The following ELAPOR2 variants were observed in gnomAD, a reference collection of about 807,000 sequenced individuals.
ELAPOR2 encodes the protein endosome/lysosome-associated apoptosis and autophagy regulator family member 2.
Under a neutral mutation model 120.7 loss-of-function variants are expected in ELAPOR2, and 89 were observed. That is an observed-to-expected ratio of 0.74 (90% confidence interval 0.62 to 0.88). The LOEUF (loss-of-function observed/expected upper bound fraction) is 0.88. Among genes scored for constraint, ELAPOR2 ranks in the 40% least tolerant of loss-of-function variants. The pLI is 0.00. For missense variants in ELAPOR2, 1,134 were observed against 1,251.6 expected (o/e 0.91, Z 1.42); for synonymous variants, 444 against 444.9 (o/e 1.00, Z 0.03).
Position 86,907,790 on chromosome 7 carries a change from C to A in ELAPOR2, c.2457-19G>T, listed in dbSNP as rs1294257785. 3 of 1,453,348 alleles carry A rather than the reference C, an allele frequency of 2.1e-6. No homozygotes were observed. In the African/African-American group the frequency reaches 4.4e-5, roughly 22 times the overall value. The allele number at this position is 1,453,348 out of a possible 1,614,324, so 90.0% of individuals were successfully genotyped here. The stretch of plus-strand genomic sequence containing the variant: ...AGAAGACCTATTGTAAGCCAAATAA[C>A]ATTTTTAAAAAACAGATATAATACA... On this transcript the variant is annotated intron_variant, in intron 17 of 21. Transcript: ENST00000450689.
intron 21 of ELAPOR2, among the ~76,000 whole-genome samples, chr7:86,881,476 C>T (rs903806888): frequency 6.6e-6 from 1 of 151,806 alleles, no homozygotes; most frequent in African/African-American, 2.4e-5. Context: ...CCTGCCTCAC[C>T]CTCCTGAGTA....
chr7:86,948,794 A>G (rs888551457), intron 2 of ELAPOR2, among the ~76,000 whole-genome samples: 2 of 152,230 alleles, frequency 1.3e-5, no homozygotes, highest in Admixed American at 6.5e-5. Context: ...CTCCAAGTAC[A>G]TGGCTATGTG....
At chr7:86,907,317 C>A (rs1789067754) in intron 18 of ELAPOR2, among the ~76,000 whole-genome samples, 1 of 151,862 alleles carries the variant, frequency 6.6e-6, no homozygotes, top group Admixed American at 6.6e-5. Flanking sequence ...GATCTAGTAC[C>A]ATAATCAGGA....
At chr7:86,917,102 G>C (rs891756506) in intron 12 of ELAPOR2, among the ~76,000 whole-genome samples, 5 of 150,786 alleles carry the variant, frequency 3.3e-5, no homozygotes, top group Non-Finnish European at 7.4e-5. Flanking sequence ...CATCACGCCA[G>C]CCTCTACTGT....
chr7:86,981,195 T>C (rs1300462582), intron 1 of ELAPOR2, among the ~76,000 whole-genome samples: 1 of 152,218 alleles, frequency 6.6e-6, no homozygotes. Context: ...AATTGGTCCA[T>C]ACCTCCATAA....
intron 1 of ELAPOR2, among the ~76,000 whole-genome samples, chr7:87,017,611 G>C (rs1320139193): frequency 6.6e-6 from 1 of 152,066 alleles, no homozygotes; most frequent in Non-Finnish European, 1.5e-5. Flanking sequence ...TTGTTTAAAA[G>C]ATCTATCAGA....
intron 12 of ELAPOR2, among the ~76,000 whole-genome samples, chr7:86,917,847 T>C (rs757722163): frequency 3.9e-5 from 6 of 152,164 alleles, no homozygotes; most frequent in African/African-American, 7.2e-5. Context: ...GTGAAGTAAC[T>C]ATTTAATTGT....
chr7:86,933,320 T>C (rs1055807029), intron 8 of ELAPOR2, among the ~76,000 whole-genome samples: 12 of 151,962 alleles, frequency 7.9e-5, no homozygotes. Context: ...ACATCTTCTC[T>C]TAACTCTTGC....
At chr7:87,047,477 G>A (rs1433462526) in intron 1 of ELAPOR2, among the ~76,000 whole-genome samples, 1 of 152,124 alleles carries the variant, frequency 6.6e-6, no homozygotes, top group Non-Finnish European at 1.5e-5. Context: ...AAACAACTCT[G>A]TAGGAAAAAA....
At chr7:86,982,802 G>A (rs1024256981) in intron 1 of ELAPOR2, among the ~76,000 whole-genome samples, 8 of 152,154 alleles carry the variant, frequency 5.3e-5, no homozygotes, top group African/African-American at 7.2e-5. Flanking sequence ...ACAGCTCCTC[G>A]CCAGCAACAG....
chr7:86,994,405 T>C lies in ELAPOR2; in HGVS notation c.190-29381A>G, dbSNP rs147133407. On this transcript the variant is annotated intron_variant, in intron 1 of 21. Coordinates refer to ENST00000450689, the MANE Select transcript of ELAPOR2 (RefSeq NM_001142749.3). Reference sequence around the variant, plus strand: ...TAAACATTGTCAAGTTAGTAATGTATAAGATCATCATCAATCATCTTAGAT... The same window carrying C: ...TAAACATTGTCAAGTTAGTAATGTACAAGATCATCATCAATCATCTTAGAT... Among the ~76,000 whole-genome samples the C allele has an allele frequency of 2.5e-3, 385 of 152,350 alleles. 2 individuals are homozygous for C. The highest frequency in any genetic ancestry group is 0.01 in the Middle Eastern group (3 of 294).
chr7:86,959,966 T>C (rs1376948990), intron 2 of ELAPOR2, among the ~76,000 whole-genome samples: 1 of 152,248 alleles, frequency 6.6e-6, no homozygotes, highest in African/African-American at 2.4e-5. Context: ...TTTGACCCAA[T>C]GGTTGTTTAA....
At chr7:86,892,573 A>C (rs1480196953) in intron 20 of ELAPOR2, among the ~76,000 whole-genome samples, 1 of 152,112 alleles carries the variant, frequency 6.6e-6, no homozygotes, top group East Asian at 1.9e-4. Context: ...TGAAGGAAGA[A>C]GACAGCATTA....
intron 1 of ELAPOR2, among the ~76,000 whole-genome samples, chr7:87,032,486 T>C (rs6971856): frequency 0.21 from 32,611 of 152,072 alleles, 3,718 homozygotes; most frequent in African/African-American, 0.27. Context: ...CTTTGGAATA[T>C]AGTTTTCCAA....
chr7:87,001,012 G>C lies in ELAPOR2; in HGVS notation c.190-35988C>G, dbSNP rs144543059. The stretch of plus-strand genomic sequence containing the variant: ...TGTGGGGAAAATTAAATAAGATCAT[G>C]TGTATCAGGGATAATACTGCATTGT... On this transcript the variant is annotated intron_variant, in intron 1 of 21. Transcript: ENST00000450689. Among the ~76,000 whole-genome samples, 3 of 152,242 alleles carry C rather than the reference G, an allele frequency of 2.0e-5. No homozygotes were observed. The East Asian group carries it at 5.8e-4, about 29-fold the overall frequency.
intron 5 of ELAPOR2, chr7:86,941,214 G>C (rs111691643): frequency 1.8e-4 from 75 of 416,420 alleles, no homozygotes; most frequent in African/African-American, 1.5e-3. Flanking sequence ...TTTTGCAAAT[G>C]AAAACATCAG....
chr7:87,025,985 C>T (rs929451788), intron 1 of ELAPOR2, among the ~76,000 whole-genome samples: 1 of 152,116 alleles, frequency 6.6e-6, no homozygotes, highest in Admixed American at 6.6e-5. Flanking sequence ...CAAACATATT[C>T]TCCTGTTGTA....
chr7:86,892,572 A>G (rs1174254485), intron 20 of ELAPOR2, among the ~76,000 whole-genome samples: 1 of 152,088 alleles, frequency 6.6e-6, no homozygotes, highest in Non-Finnish European at 1.5e-5. Context: ...GTGAAGGAAG[A>G]AGACAGCATT....
chr7:86,990,783 TAC>T (rs1554402047), intron 1 of ELAPOR2, among the ~76,000 whole-genome samples: 2 of 152,340 alleles, frequency 1.3e-5, no homozygotes, highest in African/African-American at 2.4e-5. Context: ...CTTAAACTTA[TAC>T]AGTTTGTGAT....
Sources: allele counts gnomAD v4.1 joint callset (sites outside exome capture counted in the v4.1 genomes callset), GRCh38; gene constraint gnomAD v4.1.1; transcripts MANE v1.5; gene names NCBI Gene and HGNC (gene_info 2026-07-23, HGNC 2026-07-21).